The following SYNPR variants were observed in gnomAD, a reference collection of about 807,000 sequenced individuals.
SYNPR encodes synaptoporin.
Under a neutral mutation model 32.9 loss-of-function variants are expected in SYNPR, and 23 were observed. That is an observed-to-expected ratio of 0.70 (90% CI 0.50 to 0.99). SYNPR has a LOEUF of 0.99. SYNPR is among the 50% of genes least tolerant of loss of function. The pLI is 0.00. For missense variants in SYNPR, 318 were observed against 349.3 expected, an observed-to-expected ratio of 0.91 and a Z score of 0.71; for synonymous variants, 146 against 135.9, an observed-to-expected ratio of 1.07 and a Z score of -0.52.
intron 2 of SYNPR, among the ~76,000 whole-genome samples, chr3:63,346,249 G>A (rs182537037): frequency 1.7e-3 from 259 of 152,184 alleles, no homozygotes; most frequent in Non-Finnish European, 2.3e-3. Context: ...CTGTGATCCT[G>A]TTACTGGAAT....
At chr3:63,411,964 C>A (rs2088472445) in intron 2 of SYNPR, among the ~76,000 whole-genome samples, 1 of 151,858 alleles carries the variant, frequency 6.6e-6, no homozygotes, top group Non-Finnish European at 1.5e-5. Context: ...GGAATGAATT[C>A]AAAAAGTTAC....
At chr3:63,532,386 AG>A (rs1433063590) in intron 3 of SYNPR, among the ~76,000 whole-genome samples, 4 of 152,328 alleles carry the variant, frequency 2.6e-5, no homozygotes, top group African/African-American at 7.2e-5. Flanking sequence ...AGCAATAATA[AG>A]TTTTTTAAGC....
At chr3:63,521,394 T>C (rs775535722) in intron 3 of SYNPR, among the ~76,000 whole-genome samples, 6 of 152,224 alleles carry the variant, frequency 3.9e-5, no homozygotes, top group African/African-American at 4.8e-5. Flanking sequence ...CTCTATGCTG[T>C]TAATAATAGA....
chr3:63,424,564 G>T (rs762094668), intron 2 of SYNPR, among the ~76,000 whole-genome samples: 1 of 152,080 alleles, frequency 6.6e-6, no homozygotes, highest in Non-Finnish European at 1.5e-5. Flanking sequence ...TGTAGTTATT[G>T]TATTATTATA....
intron 2 of SYNPR, among the ~76,000 whole-genome samples, chr3:63,473,930 G>T (rs114026967): frequency 6.6e-6 from 1 of 152,192 alleles, no homozygotes; most frequent in Non-Finnish European, 1.5e-5. Context: ...TGCCCACTCA[G>T]TTACTGTTTG....
chr3:63,566,687 G>GTATGAC (rs1702794344), intron 4 of SYNPR, among the ~76,000 whole-genome samples: 1 of 152,242 alleles, frequency 6.6e-6, no homozygotes, highest in South Asian at 2.1e-4. Flanking sequence ...TCTACCATCT[G>GTATGAC]TATGACTTTG....
chr3:63,384,705 C>T (rs913770583), intron 2 of SYNPR, among the ~76,000 whole-genome samples: 2 of 152,158 alleles, frequency 1.3e-5, no homozygotes, highest in Non-Finnish European at 2.9e-5. Context: ...TTATGGAGCT[C>T]GTACTATGTG....
the SYNPR span, among the ~76,000 whole-genome samples, chr3:63,222,011 A>ATTTT: frequency 0.071 from 3,969 of 56,246 alleles, 657 homozygotes; most frequent in African/African-American, 0.14. Flanking sequence ...GCCATGCTCA[A>ATTTT]TTTTTTTTTT....
At chr3:63,394,722 T>C (rs1167546841) in intron 2 of SYNPR, among the ~76,000 whole-genome samples, 2 of 152,166 alleles carry the variant, frequency 1.3e-5, no homozygotes, top group Non-Finnish European at 2.9e-5. Context: ...AGCTAAAACA[T>C]TGAGTCTCAT....
intron 2 of SYNPR, among the ~76,000 whole-genome samples, chr3:63,427,046 C>G (rs1699905227): frequency 1.3e-5 from 2 of 151,634 alleles, no homozygotes; most frequent in South Asian, 4.1e-4. Flanking sequence ...AATGACATGA[C>G]AGAAGAGTGT....
intron 2 of SYNPR, among the ~76,000 whole-genome samples, chr3:63,362,396 A>G (rs2087673244): frequency 6.6e-6 from 1 of 152,166 alleles, no homozygotes; most frequent in African/African-American, 2.4e-5. Context: ...TCATATGAGC[A>G]ACCACTAAGT....
chr3:63,256,910 TA>T (rs2086389185), intron 2 of SYNPR, among the ~76,000 whole-genome samples: 1 of 152,104 alleles, frequency 6.6e-6, no homozygotes, highest in African/African-American at 2.4e-5. Context: ...GCACGAGAAC[TA>T]CGTGACGAAT....
intron 2 of SYNPR, among the ~76,000 whole-genome samples, chr3:63,298,578 C>G (rs905827244): frequency 6.6e-6 from 1 of 152,144 alleles, no homozygotes; most frequent in Non-Finnish European, 1.5e-5. Flanking sequence ...TCAGAATTCT[C>G]TGCCTTAGGG....
At chr3:63,369,745 A>G (rs1051213353) in intron 2 of SYNPR, among the ~76,000 whole-genome samples, 1 of 152,176 alleles carries the variant, frequency 6.6e-6, no homozygotes, top group Non-Finnish European at 1.5e-5. Context: ...CCATGTCATT[A>G]TTTTTTATTT....
intron 3 of SYNPR, among the ~76,000 whole-genome samples, chr3:63,502,496 G>C (rs1042347618): frequency 6.6e-6 from 1 of 152,066 alleles, no homozygotes; most frequent in African/African-American, 2.4e-5. Flanking sequence ...CACCACTATA[G>C]TACTATATGG....
rs148382537 is a variant in SYNPR, at chr3:63,437,448, G to A, written c.85-43384G>A. 7.9e-5 allele frequency among the ~76,000 whole-genome samples: 12 copies of A among 152,178 alleles called. No homozygotes were observed. In the East Asian group the frequency reaches 2.3e-3, roughly 30 times the overall value. On this transcript the variant is annotated intron_variant, in intron 2 of 5. Coordinates refer to ENST00000478300, the MANE Select transcript of SYNPR (RefSeq NM_001130003.2). ...TTTGTGTTAGTCGGGTTTCAGGCAGGAAATAGCTGGCACACTCACACAGAG... is the reference window on the plus strand; with the variant it reads ...TTTGTGTTAGTCGGGTTTCAGGCAGAAAATAGCTGGCACACTCACACAGAG...
chr3:63,327,958 G>C, intron 2 of SYNPR, among the ~76,000 whole-genome samples: 1 of 152,130 alleles, frequency 6.6e-6, no homozygotes, highest in Admixed American at 6.6e-5. Context: ...AAAGGATCAG[G>C]AGAGGCACAG....
chr3:63,452,228 G>C (rs539440724), intron 2 of SYNPR: 1 of 559,078 alleles, frequency 1.8e-6, no homozygotes, highest in Non-Finnish European at 3.2e-6. Flanking sequence ...TTTGGGATAC[G>C]GAGGTAACTA....
chr3:63,563,782 G>A (rs796296357), intron 4 of SYNPR, among the ~76,000 whole-genome samples: 13 of 152,248 alleles, frequency 8.5e-5, no homozygotes, highest in African/African-American at 2.9e-4. Context: ...CTAGGGGTAT[G>A]TAGACAGGCT....
Sources: gnomAD v4.1 joint callset for allele counts (sites outside exome capture counted in the v4.1 genomes callset) on GRCh38, gnomAD v4.1.1 for gene constraint, MANE v1.5 for transcripts, NCBI Gene and HGNC (gene_info 2026-07-23, HGNC 2026-07-21) for gene names.